The following CD4 variants were observed in gnomAD, a reference collection of about 807,000 sequenced individuals.
The protein encoded by CD4 is CD4 molecule.
In CD4, 25 loss-of-function variants were observed where a neutral mutation model predicts 50.5. The ratio of observed to expected loss-of-function variants is 0.49; its 90% CI spans 0.36 to 0.69. The LOEUF (loss-of-function observed/expected upper bound fraction) is 0.69, where lower values mean the gene tolerates loss of function less well. CD4 is among the 30% of genes least tolerant of loss of function. The pLI is 0.00. For missense variants in CD4, 456 were observed against 548.5 expected (o/e 0.83, Z 1.68); for synonymous variants, 207 against 221.9 (o/e 0.93, Z 0.60).
rs1434516570 is a variant in CD4, at chr12:6,800,056, T to C, written c.-67-16T>C. ...CCAGTAAATGTTTGCTGACTAATGA[T>C]TGGCATTTCCCTCAGGCCCTGCCAT... On this transcript the variant is annotated splice_polypyrimidine_tract_variant and intron_variant, in intron 1 of 9. Transcript: ENST00000011653. 3 of 1,216,052 alleles carry C rather than the reference T, an allele frequency of 2.5e-6. No homozygotes were observed. Among genetic ancestry groups the C allele is most frequent in the South Asian group, 1.2e-5 (1 of 83,136 alleles). The allele number at this position is 1,216,052 out of a possible 1,614,324, so 75.3% of individuals were successfully genotyped here.
chr12:6,811,491 C>CTTTTTTTTTTTT (rs11318741), intron 3 of CD4, among the ~76,000 whole-genome samples: 73 of 111,026 alleles, frequency 6.6e-4, no homozygotes, highest in Non-Finnish European at 9.3e-4. Flanking sequence ...TTTTCTTTTT[C>CTTTTTTTTTTTT]TTTTTTTTTT....
rs964393389 is a variant in CD4 at position 6,816,516 on chromosome 12, C to T, written c.955+113C>T. On this transcript the variant is annotated intron_variant, in intron 6 of 9. Transcript: ENST00000011653. The surrounding 1 kb of genome is among the most constrained non-coding windows in gnomAD (Gnocchi z 4.9). ...AGAGGGGATGCCTAGGCCCTGGTCA[C>T]CTGGATGAAGTGAGGGAGGGCCCTC... is the stretch of plus-strand genomic sequence containing the variant. The T allele has an allele frequency of 4.5e-6, 4 of 879,600 alleles. No homozygotes were observed. Among genetic ancestry groups the T allele is most frequent in the Non-Finnish European group, 6.9e-6 (4 of 581,034 alleles). The allele number at this position is 879,600 out of a possible 1,614,324, so 54.5% of individuals were successfully genotyped here.
chr12:6,796,419 G>T (rs1942378480), intron 1 of CD4, among the ~76,000 whole-genome samples: 1 of 152,226 alleles, frequency 6.6e-6, no homozygotes, highest in African/African-American at 2.4e-5. Context: ...TGTCTCACCA[G>T]CAGGGGCCAG....
chr12:6,809,332 C>G (rs1024419676), intron 3 of CD4, among the ~76,000 whole-genome samples: 2 of 151,974 alleles, frequency 1.3e-5, no homozygotes, highest in African/African-American at 4.8e-5. Flanking sequence ...CTCGTCTCTA[C>G]AAAAAATACA....
chr12:6,820,771 G>A lies in CD4; in HGVS notation c.*1442G>A, dbSNP rs1591570850. The A allele has an allele frequency of 6.6e-6, 1 of 152,044 alleles. No homozygotes were observed. Among genetic ancestry groups the A allele is most frequent in the Non-Finnish European group, 1.5e-5 (1 of 68,286 alleles). 9.4% of individuals were successfully genotyped at this position (152,044 alleles called of 1,614,324 possible). On this transcript the variant is annotated 3_prime_UTR_variant, in exon 10 of 10. Coordinates refer to ENST00000011653, the MANE Select transcript of CD4 (RefSeq NM_000616.5). ...GCCCACTCTCCACCCCTGCTCCCCTGAGCTGAAATAAAAATACAATAAACT... is the reference window on the plus strand; with the variant it reads ...GCCCACTCTCCACCCCTGCTCCCCTAAGCTGAAATAAAAATACAATAAACT...
In CD4 at chr12:6,793,637, GTATCTATCTATCATCTATCTATC is replaced by G. The variant is rs1565487971; in HGVS notation, c.-68+3988_-68+4010del. On this transcript the variant is annotated intron_variant, in intron 1 of 9. Coordinates refer to ENST00000011653, the MANE Select transcript of CD4 (RefSeq NM_000616.5). ...CTACTTCCCCGGTTTAAACAAAATTGTATCTATCTATCATCTATCTATCTATCTATCTATCTATCTATCTATCT... is the reference window on the plus strand; with the variant it reads ...CTACTTCCCCGGTTTAAACAAAATTGTATCTATCTATCTATCTATCTATCT... Among the ~76,000 whole-genome samples the G allele has an allele frequency of 1.2e-4, 18 of 149,702 alleles. 1 individual carries two copies. The highest frequency in any genetic ancestry group is 4.2e-4 in the South Asian group (2 of 4,750).
At chr12:6,817,101 T>G (rs1555118044) in intron 6 of CD4, 29 bp from the exon 7 acceptor site, 2 of 1,599,570 alleles carry the variant, frequency 1.3e-6, no homozygotes, top group South Asian at 2.2e-5. Flanking sequence ...ATCTCAGGCC[T>G]TTGATCTCAG....
chr12:6,810,030 C>T (rs958084339), intron 3 of CD4, among the ~76,000 whole-genome samples: 6 of 151,842 alleles, frequency 4.0e-5, no homozygotes, highest in Admixed American at 3.9e-4. Context: ...ACTGGGATTA[C>T]AGGCGTGCAC....
At position 6,793,684 on chromosome 12, in the gene CD4, CT is replaced by C. The variant is rs1413498353; in HGVS notation, c.-68+4023del. On this transcript the variant is annotated intron_variant, in intron 1 of 9. Coordinates refer to ENST00000011653, the MANE Select transcript of CD4 (RefSeq NM_000616.5). Reference sequence around the variant, plus strand: ...TCTATCTATCTATCTATCTATCTATCTATCTATCTATCTATCTATCTTTTTT... The same window carrying C: ...TCTATCTATCTATCTATCTATCTATCATCTATCTATCTATCTATCTTTTTT... 4.3e-4 allele frequency among the ~76,000 whole-genome samples: 42 copies of C among 98,072 alleles called. 1 individual carries two copies. Among genetic ancestry groups the C allele is most frequent in the African/African-American group, 1.7e-3 (40 of 23,078 alleles). The allele number at this position is 98,072 out of a possible 152,430, so 64.3% of individuals were successfully genotyped here. A position where few individuals can be genotyped will look rare whatever the true frequency, so the allele number is the denominator to read the frequency against.
intron 1 of CD4, among the ~76,000 whole-genome samples, chr12:6,798,162 A>G (rs1942427226): frequency 6.6e-6 from 1 of 151,496 alleles, no homozygotes; most frequent in Non-Finnish European, 1.5e-5. Context: ...CACTGCCTGC[A>G]AGAACTTTTC....
intron 1 of CD4, among the ~76,000 whole-genome samples, chr12:6,793,680 C>T (rs1214722128): frequency 1.0e-5 from 1 of 97,844 alleles, no homozygotes; most frequent in African/African-American, 4.2e-5. Flanking sequence ...ATCTATCTAT[C>T]TATCTATCTA....
intron 1 of CD4, among the ~76,000 whole-genome samples, chr12:6,797,925 G>T (rs1368463195): frequency 1.3e-5 from 2 of 152,110 alleles, no homozygotes; most frequent in Non-Finnish European, 2.9e-5. Flanking sequence ...ACCGAATAGA[G>T]GCCTTCCTCC....
intron 3 of CD4, among the ~76,000 whole-genome samples, chr12:6,811,970 C>T (rs1555117073): frequency 6.6e-6 from 1 of 152,176 alleles, no homozygotes. Context: ...CCACCACACC[C>T]AGCTAATTTT....
At chr12:6,793,862 A>ACGGG (rs1343567886) in intron 1 of CD4, among the ~76,000 whole-genome samples, 26 of 151,780 alleles carry the variant, frequency 1.7e-4, no homozygotes, top group African/African-American at 5.8e-4. Context: ...GATGTTGGCC[A>ACGGG]GGCTGGTCTC....
In CD4 at chr12:6,818,669, C is replaced by A; in HGVS notation, c.1278+127C>A. 1 of 1,291,398 alleles carries A rather than the reference C, an allele frequency of 7.7e-7. No homozygotes were observed. The highest frequency in any genetic ancestry group is 1.1e-6 in the Non-Finnish European group (1 of 905,630). The allele number at this position is 1,291,398 out of a possible 1,614,324, so 80.0% of individuals were successfully genotyped here. On this transcript the variant is annotated intron_variant, in intron 8 of 9. Transcript: ENST00000011653. This position sits in a 1 kb window ranked among gnomAD's most constrained non-coding sequence, Gnocchi z 5.0. ...CCCACTCGTAAGTTCCCTTGCTGCC[C>A]TGTCCCAGATCCCACTCAAGGGAGA...
chr12:6,801,591 C>T (rs1302951747), intron 3 of CD4, among the ~76,000 whole-genome samples: 2 of 151,012 alleles, frequency 1.3e-5, no homozygotes, highest in East Asian at 1.9e-4. Context: ...GACAGAGTCT[C>T]GTTCTGTCGC....
chr12:6,790,813 G>A (rs1942134952), intron 1 of CD4, among the ~76,000 whole-genome samples: 1 of 152,234 alleles, frequency 6.6e-6, no homozygotes, highest in African/African-American at 2.4e-5. Flanking sequence ...AAAACGGAAA[G>A]GCCCTGTTCT....
intron 2 of CD4, 56 bp from the exon 3 acceptor site, chr12:6,800,250 TG>T (rs1942502034): frequency 6.2e-7 from 1 of 1,611,556 alleles, no homozygotes. Context: ...AGGTGGAGGA[TG>T]GGGTAGAGGG....
chr12:6,801,828 G>A (rs1555115382), intron 3 of CD4, among the ~76,000 whole-genome samples: 1 of 150,194 alleles, frequency 6.7e-6, no homozygotes, highest in African/African-American at 2.5e-5. Context: ...CCAAAGTGCT[G>A]GGATTACAGG....
Sources: gnomAD v4.1 joint callset for allele counts (sites outside exome capture counted in the v4.1 genomes callset) on GRCh38, gnomAD v4.1.1 for gene constraint, Gnocchi (gnomAD v3.1) non-coding constraint, MANE v1.5 for transcripts, NCBI Gene and HGNC (gene_info 2026-07-23, HGNC 2026-07-21) for gene names.